CD2AP: variants seen among roughly 807,000 people sequenced by gnomAD.
CD2AP encodes the protein CD2-associated protein.
In CD2AP, 46 loss-of-function variants were observed where a neutral mutation model predicts 85.1. The ratio of observed to expected loss-of-function variants is 0.54; its 90% confidence interval spans 0.43 to 0.69. The LOEUF (loss-of-function observed/expected upper bound fraction) is 0.69. Ranked by LOEUF, CD2AP falls within the 30% of genes least tolerant of loss-of-function variation. The pLI is 0.00. For missense variants in CD2AP, 769 were observed against 729.5 expected (o/e 1.05, Z -0.62); for synonymous variants, 255 against 252.9 (o/e 1.01, Z -0.08).
At chr6:47,571,865 C>T (rs1275033507) in intron 5 of CD2AP, among the ~76,000 whole-genome samples, 2 of 152,080 alleles carry the variant, frequency 1.3e-5, no homozygotes, top group African/African-American at 4.8e-5. Flanking sequence ...TAATCCTACC[C>T]TAAAAAAGCT....
intron 6 of CD2AP, among the ~76,000 whole-genome samples, chr6:47,575,774 C>T (rs1768291234): frequency 6.6e-6 from 1 of 152,140 alleles, no homozygotes; most frequent in Non-Finnish European, 1.5e-5. Context: ...GTCTAGTAGA[C>T]TGTAGCTATA....
intron 5 of CD2AP, among the ~76,000 whole-genome samples, chr6:47,573,440 A>G (rs1768209633): frequency 6.7e-6 from 1 of 148,468 alleles, no homozygotes; most frequent in Non-Finnish European, 1.5e-5. Context: ...TTTGTCTCAC[A>G]TTATATCATC....
chr6:47,559,068 C>T (rs941217312), intron 5 of CD2AP, among the ~76,000 whole-genome samples: 1 of 152,004 alleles, frequency 6.6e-6, no homozygotes. Flanking sequence ...TTTATGTGTC[C>T]AGGAATTTAT....
intron 3 of CD2AP, among the ~76,000 whole-genome samples, chr6:47,539,738 G>T (rs1767155933): frequency 6.6e-6 from 1 of 152,176 alleles, no homozygotes; most frequent in Non-Finnish European, 1.5e-5. Context: ...GTACATGAAA[G>T]AAATGCAGTA....
chr6:47,506,395 G>A (rs1478871039), intron 2 of CD2AP, among the ~76,000 whole-genome samples: 2 of 35,144 alleles, frequency 5.7e-5, no homozygotes, highest in African/African-American at 2.1e-4. Context: ...CTTCCCAGAC[G>A]GGGTGGCGGC....
chr6:47,611,130 A>G (rs548463419), intron 16 of CD2AP, among the ~76,000 whole-genome samples: 1 of 149,870 alleles, frequency 6.7e-6, no homozygotes, highest in East Asian at 1.9e-4. Context: ...AATACTATTG[A>G]TATATTAATA....
chr6:47,533,497 A>G (rs1479915052), intron 2 of CD2AP, 105 bp from the exon 3 acceptor site: 2 of 1,065,156 alleles, frequency 1.9e-6, no homozygotes, highest in African/African-American at 1.6e-5. Context: ...TGATATTATG[A>G]TTTATATAGT....
At chr6:47,507,819 T>C (rs1766213851) in intron 2 of CD2AP, among the ~76,000 whole-genome samples, 1 of 152,228 alleles carries the variant, frequency 6.6e-6, no homozygotes, top group Non-Finnish European at 1.5e-5. Context: ...ATGGATATTA[T>C]GTTAGCAGGC....
At chr6:47,478,308 G>A (rs554979605) in intron 1 of CD2AP, 60 bp downstream of exon 1, 8 of 1,554,788 alleles carry the variant, frequency 5.1e-6, no homozygotes, top group African/African-American at 4.1e-5. Flanking sequence ...GGGAGGCTGT[G>A]CCCTTTCTCG....
At chr6:47,543,704 C>A (rs1222010935) in intron 3 of CD2AP, among the ~76,000 whole-genome samples, 1 of 152,190 alleles carries the variant, frequency 6.6e-6, no homozygotes, top group East Asian at 1.9e-4. Context: ...GGGTGTTACC[C>A]TTAGGACCTC....
In CD2AP at chr6:47,539,830, T is replaced by G. The variant is rs578119115; in HGVS notation, c.320-4776T>G. On this transcript the variant is annotated intron_variant, in intron 3 of 17. Coordinates refer to ENST00000359314, the MANE Select transcript of CD2AP (RefSeq NM_012120.3). ...TATAATGATTTTTAGAAGACAATTT[T>G]TGTACAATTAATTTTTTTGTAGAAC... is the stretch of plus-strand genomic sequence containing the variant. Among the ~76,000 whole-genome samples the G allele has an allele frequency of 1.1e-3, 162 of 152,244 alleles. No homozygotes were observed. In the South Asian group the frequency reaches 0.012, roughly 11 times the overall value.
intron 1 of CD2AP, among the ~76,000 whole-genome samples, chr6:47,484,025 G>C (rs1765507911): frequency 2.6e-5 from 4 of 152,098 alleles, no homozygotes. Context: ...CTGAAGTGGT[G>C]GTTGGCTAGT....
intron 11 of CD2AP, among the ~76,000 whole-genome samples, chr6:47,594,046 T>A (rs935233579): frequency 2.6e-5 from 4 of 152,066 alleles, no homozygotes; most frequent in African/African-American, 9.7e-5. Context: ...GACACAAAGA[T>A]AATTGCATGA....
intron 3 of CD2AP, among the ~76,000 whole-genome samples, chr6:47,535,746 A>C (rs1366073576): frequency 4.6e-5 from 7 of 152,206 alleles, no homozygotes; most frequent in Admixed American, 4.6e-4. Context: ...TAACAGTTTT[A>C]TATCATACAG....
chr6:47,561,428 C>G (rs1464229771), intron 5 of CD2AP, among the ~76,000 whole-genome samples: 3 of 152,078 alleles, frequency 2.0e-5, no homozygotes, highest in African/African-American at 7.2e-5. Context: ...TCATTTTGAA[C>G]CTTCCCTACC....
At chr6:47,538,062 TA>T (rs1419062746) in intron 3 of CD2AP, among the ~76,000 whole-genome samples, 2 of 151,934 alleles carry the variant, frequency 1.3e-5, no homozygotes, top group Non-Finnish European at 2.9e-5. Context: ...GAAAATTTTT[TA>T]AAAAGATACG....
At chr6:47,481,424 C>G (rs1432585264) in intron 1 of CD2AP, among the ~76,000 whole-genome samples, 1 of 152,194 alleles carries the variant, frequency 6.6e-6, no homozygotes, top group Non-Finnish European at 1.5e-5. Flanking sequence ...CGGCTCACCG[C>G]AACCTCCGCC....
At chr6:47,541,657 C>G (rs1767220145) in intron 3 of CD2AP, among the ~76,000 whole-genome samples, 1 of 152,070 alleles carries the variant, frequency 6.6e-6, no homozygotes, top group Non-Finnish European at 1.5e-5. Flanking sequence ...TACTTTTTGT[C>G]TTGATAAACA....
chr6:47,498,447 C>T (rs917989036), intron 1 of CD2AP, among the ~76,000 whole-genome samples: 9 of 152,152 alleles, frequency 5.9e-5, no homozygotes, highest in African/African-American at 2.2e-4. Context: ...TGGATTCTCA[C>T]AGACCTGTTT....
Sources: allele counts gnomAD v4.1 joint callset (sites outside exome capture counted in the v4.1 genomes callset), GRCh38; gene constraint gnomAD v4.1.1; transcripts MANE v1.5; gene names NCBI Gene and HGNC (gene_info 2026-07-23, HGNC 2026-07-21).